ITGAV: variants seen among roughly 807,000 people sequenced by gnomAD.
The protein encoded by ITGAV is integrin subunit alpha V, also known as integrin alpha-V.
A neutral mutation model predicts 143.8 loss-of-function variants in ITGAV; 76 were observed. The ratio of observed to expected loss-of-function variants is 0.53; its 90% confidence interval spans 0.44 to 0.64. The LOEUF (loss-of-function observed/expected upper bound fraction) is 0.64. ITGAV is among the 30% of genes least tolerant of loss of function. The pLI is 0.00. For synonymous variants in ITGAV, 453 were observed against 446.7 expected (o/e 1.01, Z -0.18); for missense variants, 1,193 against 1,274.7 (o/e 0.94, Z 0.98).
At chr2:186,658,001 A>G (rs1487946549) in intron 17 of ITGAV, among the ~76,000 whole-genome samples, 3 of 152,150 alleles carry the variant, frequency 2.0e-5, no homozygotes, top group South Asian at 2.1e-4. Flanking sequence ...AACTAGTGTA[A>G]TTGGTTCCTG....
Position 186,638,293 on chromosome 2 carries a change from T to C in ITGAV, c.819T>C (p.Val273=), listed in dbSNP as rs769686496. Residue 273 remains valine, a synonymous_variant, in exon 9 of 30, where the codon GTT becomes GTC. Transcript: ENST00000261023. ...GDGIDDFVSG[V]PRAARTLGMV... ...TTGTTTCAGACTTTGTTTCAGGAGTTCCAAGAGCAGCAAGGACTTTGGGAA... is the reference window on the plus strand; with the variant it reads ...TTGTTTCAGACTTTGTTTCAGGAGTCCCAAGAGCAGCAAGGACTTTGGGAA... 1 of 1,613,996 alleles carries C rather than the reference T, an allele frequency of 6.2e-7. No individual in the cohort carries two copies. The highest frequency in any genetic ancestry group is 8.5e-7 in the Non-Finnish European group (1 of 1,179,912).
intron 1 of ITGAV, among the ~76,000 whole-genome samples, chr2:186,600,653 A>G (rs1267706894): frequency 2.6e-5 from 4 of 152,192 alleles, no homozygotes; most frequent in African/African-American, 9.6e-5. Flanking sequence ...TGTAAGCTAA[A>G]TTCCTCCATT....
intron 1 of ITGAV, among the ~76,000 whole-genome samples, chr2:186,596,199 T>C (rs1488448003): frequency 2.0e-5 from 3 of 152,228 alleles, no homozygotes; most frequent in East Asian, 1.9e-4. Flanking sequence ...GGCATTGTTA[T>C]TGCCATTCGA....
chr2:186,608,014 G>A (rs1235784924), intron 2 of ITGAV, among the ~76,000 whole-genome samples: 1 of 151,948 alleles, frequency 6.6e-6, no homozygotes, highest in African/African-American at 2.4e-5. Flanking sequence ...TCATTTCTGG[G>A]GGGCAAGAGG....
At chr2:186,656,943 C>G (rs1044294823) in intron 17 of ITGAV, among the ~76,000 whole-genome samples, 1 of 151,406 alleles carries the variant, frequency 6.6e-6, no homozygotes, top group Non-Finnish European at 1.5e-5. Context: ...AGTATGGGCC[C>G]CAGGATTTCC....
chr2:186,673,515 A>C (rs967296426), intron 26 of ITGAV, among the ~76,000 whole-genome samples: 3 of 152,296 alleles, frequency 2.0e-5, no homozygotes, highest in Non-Finnish European at 4.4e-5. Context: ...AACATTACAT[A>C]GTTCAGTTCA....
intron 2 of ITGAV, among the ~76,000 whole-genome samples, chr2:186,606,366 G>A (rs1295754677): frequency 6.6e-6 from 1 of 152,170 alleles, no homozygotes; most frequent in African/African-American, 2.4e-5. Flanking sequence ...GTTACTGTTA[G>A]GTTACCCTCA....
intron 12 of ITGAV, 102 bp from the exon 13 acceptor site, chr2:186,646,584 G>T (rs973329319): frequency 2.8e-6 from 2 of 712,522 alleles, no homozygotes; most frequent in Non-Finnish European, 4.7e-6. Flanking sequence ...CTTCATCCTT[G>T]CCCTCTTCCC....
intron 4 of ITGAV, among the ~76,000 whole-genome samples, chr2:186,627,342 C>A (rs1687702363): frequency 6.6e-6 from 1 of 152,144 alleles, no homozygotes; most frequent in Non-Finnish European, 1.5e-5. Context: ...CCAAAAGAAC[C>A]TTTCCTCTAC....
chr2:186,603,700 C>G (rs1248171499), intron 2 of ITGAV, among the ~76,000 whole-genome samples: 1 of 152,278 alleles, frequency 6.6e-6, no homozygotes, highest in African/African-American at 2.4e-5. Context: ...TGTTTCTGTA[C>G]TTAACACTGT....
At chr2:186,643,915 T>C (rs1414301878) in intron 12 of ITGAV, among the ~76,000 whole-genome samples, 1 of 152,182 alleles carries the variant, frequency 6.6e-6, no homozygotes, top group African/African-American at 2.4e-5. Context: ...GGAGCCATCT[T>C]TTGTTGCAAA....
chr2:186,634,285 G>T (rs891359635), intron 6 of ITGAV, among the ~76,000 whole-genome samples: 14 of 87,686 alleles, frequency 1.6e-4, no homozygotes, highest in African/African-American at 4.7e-4. Context: ...ATATTGACAT[G>T]TTTAGTTTCT....
chr2:186,654,438 A>G (rs1356565393), intron 15 of ITGAV, among the ~76,000 whole-genome samples: 1 of 151,986 alleles, frequency 6.6e-6, no homozygotes, highest in Non-Finnish European at 1.5e-5. Context: ...TTTTTTCATC[A>G]AGGTACCATG....
chr2:186,677,145 T>C, intron 29 of ITGAV, 52 bp from the exon 30 acceptor site: 1 of 1,514,602 alleles, frequency 6.6e-7, no homozygotes, highest in Non-Finnish European at 9.1e-7. Flanking sequence ...AAAAATACTT[T>C]TCGTATTCTA....
intron 13 of ITGAV, 46 bp downstream of exon 13, chr2:186,646,923 A>C: frequency 8.1e-7 from 1 of 1,228,070 alleles, no homozygotes; most frequent in Non-Finnish European, 1.1e-6. Flanking sequence ...TTCAGTCCTA[A>C]TAGCAAATAG....
chr2:186,679,899 C>A lies in ITGAV; in HGVS notation c.*2607C>A, dbSNP rs148594846. 2 of 152,036 alleles carry A rather than the reference C, an allele frequency of 1.3e-5. No individual in the cohort carries two copies. Among genetic ancestry groups the A allele is most frequent in the Admixed American group, 1.3e-4 (2 of 15,258 alleles). 9.4% of individuals were successfully genotyped at this position (152,036 alleles called of 1,614,324 possible). ...TGAAACTACTTATTCATAGTTAATT[C>A]TCATTAACACTTACATTTCCATAAA... On this transcript the variant is annotated 3_prime_UTR_variant, in exon 30 of 30. Transcript: ENST00000261023.
At chr2:186,673,818 C>T (rs557554096) in intron 26 of ITGAV, among the ~76,000 whole-genome samples, 74 of 152,116 alleles carry the variant, frequency 4.9e-4, no homozygotes, top group Non-Finnish European at 7.8e-4. Flanking sequence ...CAGGTGCCCA[C>T]GACCAGGACT....
intron 1 of ITGAV, among the ~76,000 whole-genome samples, chr2:186,596,879 A>G (rs1206862873): frequency 6.6e-6 from 1 of 152,314 alleles, no homozygotes; most frequent in South Asian, 2.1e-4. Context: ...AAATATCTTA[A>G]TGATAACTTT....
At chr2:186,642,551 T>C (rs1688137985) in intron 12 of ITGAV, among the ~76,000 whole-genome samples, 2 of 150,152 alleles carry the variant, frequency 1.3e-5, no homozygotes, top group South Asian at 4.2e-4. Context: ...TTTTTTTTTT[T>C]TGAGGCAGGG....
Sources: gnomAD v4.1 joint callset for allele counts (sites outside exome capture counted in the v4.1 genomes callset) on GRCh38, gnomAD v4.1.1 for gene constraint, MANE v1.5 for transcripts, NCBI Gene and HGNC (gene_info 2026-07-23, HGNC 2026-07-21) for gene names.